CPQ: variants seen among roughly 807,000 people sequenced by gnomAD.
CPQ encodes carboxypeptidase Q.
CPQ carries 37 observed loss-of-function variants against 45.7 expected under a neutral mutation model. The ratio of observed to expected loss-of-function variants is 0.81; its 90% CI spans 0.62 to 1.07. The LOEUF is 1.07. CPQ is among the 50% of genes least tolerant of loss of function. The pLI, the probability that CPQ is intolerant of heterozygous loss-of-function variation, is 0.00. For synonymous variants in CPQ, 186 were observed against 205.8 expected, an observed-to-expected ratio of 0.90 and a Z score of 0.82; for missense variants, 537 against 572.9, an observed-to-expected ratio of 0.94 and a Z score of 0.64.
intron 6 of CPQ, among the ~76,000 whole-genome samples, chr8:97,063,224 T>C (rs866802591): frequency 4.6e-5 from 7 of 152,356 alleles, no homozygotes; most frequent in Middle Eastern, 3.4e-3. Flanking sequence ...ATTTCTCTAA[T>C]GGTCAGTAAT....
At chr8:96,807,395 G>A (rs1210845172) in intron 2 of CPQ, among the ~76,000 whole-genome samples, 6 of 152,126 alleles carry the variant, frequency 3.9e-5, no homozygotes, top group Non-Finnish European at 5.9e-5. Flanking sequence ...CACCATGCCC[G>A]GCTGATTTTT....
At chr8:96,870,169 T>A (rs1469291288) in intron 3 of CPQ, among the ~76,000 whole-genome samples, 1 of 152,106 alleles carries the variant, frequency 6.6e-6, no homozygotes, top group Non-Finnish European at 1.5e-5. Context: ...TATATATATT[T>A]TTTTGGTATG....
chr8:96,890,418 T>C (rs188999275), intron 4 of CPQ, among the ~76,000 whole-genome samples: 3 of 152,330 alleles, frequency 2.0e-5, no homozygotes, highest in South Asian at 2.1e-4. Flanking sequence ...CGTAGTTTTT[T>C]ACTTGGTGTA....
At chr8:96,656,566 A>G (rs566358411) in intron 1 of CPQ, among the ~76,000 whole-genome samples, 1 of 152,190 alleles carries the variant, frequency 6.6e-6, no homozygotes, top group South Asian at 2.1e-4. Flanking sequence ...AGGGCCTTAG[A>G]GTGGGCTCTG....
At chr8:96,879,747 CTT>C (rs1241115332) in intron 3 of CPQ, 49 bp from the exon 4 acceptor site, 1 of 1,433,706 alleles carries the variant, frequency 7.0e-7, no homozygotes, top group Non-Finnish European at 9.8e-7. Flanking sequence ...TCAAAAAAGT[CTT>C]TTGGTCTATT....
intron 3 of CPQ, among the ~76,000 whole-genome samples, chr8:96,876,799 C>CT (rs1812150542): frequency 6.6e-6 from 1 of 151,896 alleles, no homozygotes; most frequent in Non-Finnish European, 1.5e-5. Flanking sequence ...GTATATAATC[C>CT]TTTTTATATG....
At chr8:96,692,367 A>G (rs72682307) in intron 1 of CPQ, among the ~76,000 whole-genome samples, 56,933 of 151,686 alleles carry the variant, frequency 0.38, 11,032 homozygotes, top group East Asian at 0.61. Flanking sequence ...TAGTTACAGC[A>G]GGCCTTGGGT....
At chr8:96,970,268 A>C (rs1813642656) in intron 5 of CPQ, among the ~76,000 whole-genome samples, 1 of 152,196 alleles carries the variant, frequency 6.6e-6, no homozygotes, top group South Asian at 2.1e-4. Context: ...GACCTACAAA[A>C]GATATCTCCT....
intron 6 of CPQ, among the ~76,000 whole-genome samples, chr8:97,031,279 T>C (rs1251467521): frequency 6.7e-6 from 1 of 149,412 alleles, no homozygotes; most frequent in African/African-American, 2.5e-5. Flanking sequence ...CTCCGCCTCC[T>C]GGGTTCAAGT....
At chr8:97,111,555 T>C (rs1174202791) in intron 7 of CPQ, among the ~76,000 whole-genome samples, 1 of 152,212 alleles carries the variant, frequency 6.6e-6, no homozygotes, top group Non-Finnish European at 1.5e-5. Context: ...CCATTTCACT[T>C]CTAGTCAGGA....
chr8:97,026,797 T>C (rs1191832331), intron 5 of CPQ, among the ~76,000 whole-genome samples: 1 of 152,232 alleles, frequency 6.6e-6, no homozygotes, highest in Non-Finnish European at 1.5e-5. Flanking sequence ...ATTACCTTAA[T>C]ACATCACTGG....
intron 1 of CPQ, among the ~76,000 whole-genome samples, chr8:96,671,022 G>A (rs1328851471): frequency 6.6e-6 from 1 of 152,148 alleles, no homozygotes; most frequent in Non-Finnish European, 1.5e-5. Flanking sequence ...TTTGTAGGAT[G>A]CTGCACTGGG....
chr8:96,750,364 A>G (rs954469403), intron 1 of CPQ, among the ~76,000 whole-genome samples: 1 of 152,182 alleles, frequency 6.6e-6, no homozygotes, highest in Admixed American at 6.6e-5. Flanking sequence ...AGAAGGGATA[A>G]TTCTTTCAGA....
intron 4 of CPQ, among the ~76,000 whole-genome samples, chr8:96,915,263 C>T (rs148851079): frequency 8.6e-4 from 131 of 152,244 alleles, no homozygotes; most frequent in African/African-American, 3.0e-3. Flanking sequence ...GTGTCCAAAG[C>T]TCCTGAAGCA....
chr8:96,984,534 G>A (rs1438080465), intron 5 of CPQ, among the ~76,000 whole-genome samples: 1 of 152,132 alleles, frequency 6.6e-6, no homozygotes, highest in Admixed American at 6.6e-5. Flanking sequence ...GTGCCATTTT[G>A]GAAGCAGAGA....
intron 1 of CPQ, among the ~76,000 whole-genome samples, chr8:96,720,276 T>A (rs185318771): frequency 0.024 from 3,662 of 152,208 alleles, 163 homozygotes; most frequent in African/African-American, 0.083. Flanking sequence ...ATTACTTTTT[T>A]AAAAAAAACT....
At chr8:97,051,128 T>A (rs1193391443) in intron 6 of CPQ, among the ~76,000 whole-genome samples, 1 of 152,156 alleles carries the variant, frequency 6.6e-6, no homozygotes, top group South Asian at 2.1e-4. Flanking sequence ...TGAATGATCA[T>A]CATAATCACC....
chr8:97,079,782 C>T (rs2130549359), intron 7 of CPQ, among the ~76,000 whole-genome samples: 1 of 152,178 alleles, frequency 6.6e-6, no homozygotes, highest in Middle Eastern at 3.4e-3. Flanking sequence ...GGGAATGCAT[C>T]CCATGTCAAA....
At chr8:96,915,459 A>C (rs988406158) in intron 4 of CPQ, among the ~76,000 whole-genome samples, 1 of 152,240 alleles carries the variant, frequency 6.6e-6, no homozygotes, top group African/African-American at 2.4e-5. Context: ...TAATATTTGC[A>C]TAAAAGGAAA....
Sources: gnomAD v4.1 joint callset for allele counts (sites outside exome capture counted in the v4.1 genomes callset) on GRCh38, gnomAD v4.1.1 for gene constraint, MANE v1.5 for transcripts, NCBI Gene and HGNC (gene_info 2026-07-23, HGNC 2026-07-21) for gene names.